The following SLC14A2 variants were observed in gnomAD, a reference collection of about 807,000 sequenced individuals.
SLC14A2 encodes the protein urea transporter 2.
A neutral mutation model predicts 104.6 loss-of-function variants in SLC14A2; 91 were observed. That is an observed-to-expected ratio of 0.87 (90% CI 0.73 to 1.04). The LOEUF is 1.04. SLC14A2 is among the 50% of genes least tolerant of loss of function. SLC14A2 has a pLI of 0.00. For synonymous variants in SLC14A2, 476 were observed against 466.4 expected, an observed-to-expected ratio of 1.02 and a Z score of -0.27; for missense variants, 1,189 against 1,156.0, an observed-to-expected ratio of 1.03 and a Z score of -0.41.
the SLC14A2 span, among the ~76,000 whole-genome samples, chr18:45,191,879 A>T: frequency 1.1e-4 from 17 of 152,116 alleles, no homozygotes; most frequent in Non-Finnish European, 1.9e-4. Context: ...AGAAACTGGG[A>T]ATGTTTATTC....
intron 2 of SLC14A2, among the ~76,000 whole-genome samples, chr18:45,489,501 ACT>A (rs2144723478): frequency 6.6e-6 from 1 of 152,268 alleles, no homozygotes; most frequent in Admixed American, 6.5e-5. Flanking sequence ...ACAGAGCAAG[ACT>A]CTGTCTCAAA....
intron 2 of SLC14A2, among the ~76,000 whole-genome samples, chr18:45,608,194 C>T (rs956739344): frequency 2.6e-5 from 4 of 152,298 alleles, no homozygotes; most frequent in East Asian, 1.9e-4. Context: ...ACAGAGAAAT[C>T]GGTGCTTTAG....
chr18:45,281,318 G>A (rs919456763), intron 1 of SLC14A2, among the ~76,000 whole-genome samples: 7 of 151,888 alleles, frequency 4.6e-5, no homozygotes, highest in African/African-American at 7.3e-5. Context: ...ACACACACAC[G>A]TTCATACCAT....
At chr18:45,551,520 G>A (rs2144283641) in intron 2 of SLC14A2, among the ~76,000 whole-genome samples, 1 of 152,306 alleles carries the variant, frequency 6.6e-6, no homozygotes, top group East Asian at 1.9e-4. Flanking sequence ...GTTCTGTCTG[G>A]GCCGGCCCTC....
At chr18:45,414,049 A>G (rs985375371) in intron 1 of SLC14A2, among the ~76,000 whole-genome samples, 1 of 152,250 alleles carries the variant, frequency 6.6e-6, no homozygotes, top group African/African-American at 2.4e-5. Flanking sequence ...CCACATCAGT[A>G]TTACCAAATA....
chr18:45,221,926 A>G (rs1477109780), intron 1 of SLC14A2, among the ~76,000 whole-genome samples: 2 of 152,168 alleles, frequency 1.3e-5, no homozygotes, highest in Non-Finnish European at 2.9e-5. Context: ...GAGAGTACAC[A>G]TCCTCAAAAT....
intron 1 of SLC14A2, among the ~76,000 whole-genome samples, chr18:45,423,462 T>C (rs928126518): frequency 6.6e-6 from 1 of 152,166 alleles, no homozygotes; most frequent in Non-Finnish European, 1.5e-5. Context: ...TGTAAAATGC[T>C]GTCCTATTTA....
chr18:45,617,055 G>A (rs776854449), intron 1 of SLC14A2, among the ~76,000 whole-genome samples: 10 of 152,110 alleles, frequency 6.6e-5, no homozygotes, highest in African/African-American at 9.7e-5. Flanking sequence ...CCGAGATTGC[G>A]CCACTGCACT....
intron 1 of SLC14A2, among the ~76,000 whole-genome samples, chr18:45,335,276 A>AGT (rs529097377): frequency 6.8e-4 from 104 of 152,252 alleles, no homozygotes; most frequent in African/African-American, 2.5e-3. Flanking sequence ...GAATCAACAC[A>AGT]GTGTGGCATC....
intron 1 of SLC14A2, among the ~76,000 whole-genome samples, chr18:45,244,137 C>T (rs1002823432): frequency 2.6e-5 from 4 of 152,130 alleles, no homozygotes; most frequent in African/African-American, 9.7e-5. Flanking sequence ...CTCCGAGCCC[C>T]CTGGGCAGCC....
intron 2 of SLC14A2, among the ~76,000 whole-genome samples, chr18:45,508,498 G>A (rs779807679): frequency 5.9e-5 from 9 of 152,182 alleles, no homozygotes; most frequent in Non-Finnish European, 1.0e-4. Flanking sequence ...TGCCATGATC[G>A]TGAGGCTTCC....
intron 2 of SLC14A2, among the ~76,000 whole-genome samples, chr18:45,539,428 A>G (rs1015936394): frequency 1.3e-5 from 2 of 152,176 alleles, no homozygotes; most frequent in African/African-American, 4.8e-5. Context: ...GGCCAGGCCA[A>G]TGGAGTTTGT....
chr18:45,611,692 A>ACAAAGAGGTTGGGAATGCT (rs2044974221), upstream of SLC14A2, among the ~76,000 whole-genome samples: 1 of 152,192 alleles, frequency 6.6e-6, no homozygotes, highest in Non-Finnish European at 1.5e-5. Context: ...AGGGCCCAAC[A>ACAAAGAGGTTGGGAATGCT]CAAAGAGGTT....
At chr18:45,355,076 A>G (rs117280640) in intron 1 of SLC14A2, among the ~76,000 whole-genome samples, 1,976 of 152,330 alleles carry the variant, frequency 0.013, 21 homozygotes, top group Middle Eastern at 0.02. Context: ...TCCTGGTTCT[A>G]CAATCTAGGG....
At chr18:45,261,167 C>G (rs77806563) in intron 1 of SLC14A2, among the ~76,000 whole-genome samples, 2,860 of 151,418 alleles carry the variant, frequency 0.019, 149 homozygotes, top group East Asian at 0.18. Context: ...TCCCCCCTGC[C>G]CCCACCCCAC....
intron 1 of SLC14A2, among the ~76,000 whole-genome samples, chr18:45,618,067 T>C (rs997625686): frequency 1.3e-5 from 2 of 152,160 alleles, no homozygotes; most frequent in African/African-American, 4.8e-5. Context: ...AGGGACTTGA[T>C]GTCAGCTCCA....
intron 10 of SLC14A2, among the ~76,000 whole-genome samples, chr18:45,662,171 T>C (rs2045946936): frequency 6.6e-6 from 1 of 152,072 alleles, no homozygotes; most frequent in Non-Finnish European, 1.5e-5. Flanking sequence ...GGTGTGATGG[T>C]GGGCACCTGT....
intron 1 of SLC14A2, among the ~76,000 whole-genome samples, chr18:45,326,702 T>C (rs558207725): frequency 2.9e-4 from 44 of 152,204 alleles, no homozygotes; most frequent in Non-Finnish European, 5.6e-4. Flanking sequence ...ACCCAAATAC[T>C]AAGGCACAGA....
intron 1 of SLC14A2, among the ~76,000 whole-genome samples, chr18:45,312,988 C>T (rs1244290693): frequency 1.3e-5 from 2 of 152,164 alleles, no homozygotes; most frequent in Admixed American, 6.5e-5. Flanking sequence ...TGGTGCACAC[C>T]CTCCACCACC....
Sources: allele counts gnomAD v4.1 joint callset (sites outside exome capture counted in the v4.1 genomes callset), GRCh38; gene constraint gnomAD v4.1.1; transcripts MANE v1.5; gene names NCBI Gene and HGNC (gene_info 2026-07-23, HGNC 2026-07-21).